The following FANCM variants were observed in gnomAD, a reference collection of about 807,000 sequenced individuals.
The protein encoded by FANCM is FA complementation group M.
A neutral mutation model predicts 199.5 loss-of-function variants in FANCM; 140 were observed. The ratio of observed to expected loss-of-function variants is 0.70; its 90% CI spans 0.61 to 0.81. The LOEUF (loss-of-function observed/expected upper bound fraction) is 0.81, where lower values mean the gene tolerates loss of function less well. FANCM is among the 30% of genes least tolerant of loss of function. The pLI is 0.00. For synonymous variants in FANCM, 840 were observed against 836.8 expected (o/e 1.00, Z -0.07); for missense variants, 2,410 against 2,421.4 (o/e 1.00, Z 0.10).
At position 45,154,709 on chromosome 14, in the gene FANCM, CAA is replaced by C; in HGVS notation, c.1201_1202del (p.Asn401Ter). On this transcript the variant is annotated frameshift_variant, in exon 7 of 23. Transcript: ENST00000267430. LOFTEE classifies it high-confidence loss of function. ...TTAATTTCTGAAGGGATGACACGGT[CAA>C]AAAATGAACTTGGCCGAAATGAAGA... 6.3e-7 allele frequency: 1 copy of C among 1,597,186 alleles called. No homozygotes were observed. Among genetic ancestry groups the C allele is most frequent in the Non-Finnish European group, 8.6e-7 (1 of 1,168,140 alleles).
chr14:45,171,715 GTGTGTGTGCA>G (rs961511966), intron 12 of FANCM, among the ~76,000 whole-genome samples: 30 of 151,776 alleles, frequency 2.0e-4, no homozygotes, highest in Non-Finnish European at 4.0e-4. Context: ...GTGTGTGTGT[GTGTGTGTGCA>G]TGTGTGTCAC....
Position 45,153,983 on chromosome 14 carries a change from G to T in FANCM, c.1114G>T (p.Glu372Ter). 1 of 1,596,328 alleles carries T rather than the reference G, an allele frequency of 6.3e-7. No individual in the cohort carries two copies. The highest frequency in any genetic ancestry group is 8.6e-7 in the Non-Finnish European group (1 of 1,163,930). The change falls in exon 6 of 23, where the codon GAA (glutamate) becomes TAA (stop). Residue 372 changes from glutamate (E) to a stop codon, truncating the protein, a stop_gained. Transcript: ENST00000267430. LOFTEE classifies it high-confidence loss of function. ...TTGTATTAGTTTATATCATGGTTAT[G>T]AATTATTGCAGCAAATGGGAATGAG... ...AICISLYHGY[E>*]LLQQMGMRSL... is the part of the protein sequence containing the mutation.
At chr14:45,192,178 C>T (rs1889805185) in intron 20 of FANCM, among the ~76,000 whole-genome samples, 1 of 152,136 alleles carries the variant, frequency 6.6e-6, no homozygotes, top group Non-Finnish European at 1.5e-5. Context: ...TTGCTCCCAT[C>T]CTTACTATAA....
chr14:45,156,916 CAAAAAAAAAA>C (rs535786477), intron 8 of FANCM, among the ~76,000 whole-genome samples: 3 of 47,812 alleles, frequency 6.3e-5, no homozygotes, highest in South Asian at 7.5e-4. Flanking sequence ...GACTCTGTCT[CAAAAAAAAAA>C]AAAAAAAAAA....
intron 8 of FANCM, among the ~76,000 whole-genome samples, chr14:45,156,426 G>A (rs1272094726): frequency 6.6e-6 from 1 of 152,126 alleles, no homozygotes; most frequent in Non-Finnish European, 1.5e-5. Context: ...GACATTTTAA[G>A]GATCACTCTG....
chr14:45,173,353 T>C, intron 13 of FANCM, 143 bp downstream of exon 13: 2 of 735,364 alleles, frequency 2.7e-6, no homozygotes, highest in South Asian at 3.2e-5. Context: ...ATGAGTTTTC[T>C]GCCTTAAGAG....
At position 45,176,207 on chromosome 14, in the gene FANCM, C is replaced by T. The variant is rs1888681689; in HGVS notation, c.3453C>T (p.Pro1151=). ...NTEFDDVSLS[P]LNSKSESLPV... is the part of the protein sequence containing the mutation. ...AGTTCGACGATGTGAGTCTTTCACC[C>T]TTGAACAGTAAAAGCGAATCTTTAC... Residue 1151 remains proline (P), a synonymous_variant, in exon 14 of 23, where the codon CCC becomes CCT. Coordinates refer to ENST00000267430, the MANE Select transcript of FANCM (RefSeq NM_020937.4). 6.2e-7 allele frequency: 1 copy of T among 1,613,922 alleles called. No homozygotes were observed. Among genetic ancestry groups the T allele is most frequent in the African/African-American group, 1.3e-5 (1 of 74,918 alleles).
At chr14:45,159,068 T>A in intron 8 of FANCM, 28 bp from the exon 9 acceptor site, 3 of 1,382,916 alleles carry the variant, frequency 2.2e-6, no homozygotes, top group Non-Finnish European at 3.0e-6. Flanking sequence ...TAAAAAGTTG[T>A]AATTAAAGTT....
intron 21 of FANCM, 57 bp from the exon 22 acceptor site, chr14:45,198,587 T>C (rs1594485715): frequency 8.5e-7 from 1 of 1,183,052 alleles, no homozygotes; most frequent in South Asian, 1.4e-5. Flanking sequence ...AGTATATTAA[T>C]AATTCTACTT....
chr14:45,183,579 A>G (rs1003882686), intron 16 of FANCM, among the ~76,000 whole-genome samples, 195 bp from the exon 17 acceptor site: 4 of 152,202 alleles, frequency 2.6e-5, no homozygotes, highest in African/African-American at 9.6e-5. Flanking sequence ...ATGAATACCT[A>G]TACTAGTATT....
intron 3 of FANCM, among the ~76,000 whole-genome samples, chr14:45,148,012 A>G (rs974051832): frequency 6.6e-6 from 1 of 151,934 alleles, no homozygotes; most frequent in Non-Finnish European, 1.5e-5. Context: ...CCTGGCCAAC[A>G]TGGTGAAACC....
rs138043605 is a variant in FANCM at position 45,164,595 on chromosome 14, CA to C, written c.1788+31del. The C allele has an allele frequency of 9.9e-3, 15,112 of 1,531,558 alleles. 1,201 individuals are homozygous for C. The African/African-American group carries it at 0.17, about 17-fold the overall frequency. The allele number at this position is 1,531,558 out of a possible 1,614,324, so 94.9% of individuals were successfully genotyped here. On this transcript the variant is annotated intron_variant, in intron 10 of 22. Transcript: ENST00000267430. ...GTAGAGCTGCAGAAACACAATTTGA[CA>C]CTTGAAATTTGAGAAATACAGCCCA...
chr14:45,167,712 C>T (rs1371664397), intron 11 of FANCM, among the ~76,000 whole-genome samples: 1 of 152,114 alleles, frequency 6.6e-6, no homozygotes, highest in East Asian at 1.9e-4. Flanking sequence ...GAGATATTTG[C>T]ACTATGAAAG....
chr14:45,158,026 G>A (rs907022819), intron 8 of FANCM, among the ~76,000 whole-genome samples: 5 of 151,894 alleles, frequency 3.3e-5, no homozygotes, highest in Admixed American at 6.6e-5. Flanking sequence ...GCAAAACCCC[G>A]TCTCTACAAA....
chr14:45,150,965 C>G (rs1455653013), intron 4 of FANCM, among the ~76,000 whole-genome samples: 1 of 152,076 alleles, frequency 6.6e-6, no homozygotes, highest in African/African-American at 2.4e-5. Context: ...TAAATATATT[C>G]AGGACATTTC....
chr14:45,154,528 A>G (rs1315082583), intron 6 of FANCM, among the ~76,000 whole-genome samples, 169 bp from the exon 7 acceptor site: 1 of 152,180 alleles, frequency 6.6e-6, no homozygotes, highest in Non-Finnish European at 1.5e-5. Flanking sequence ...AGAAAAGGAA[A>G]CCATTCATTA....
intron 11 of FANCM, among the ~76,000 whole-genome samples, chr14:45,168,345 C>G (rs1484425838): frequency 1.3e-5 from 2 of 152,010 alleles, no homozygotes; most frequent in Non-Finnish European, 2.9e-5. Flanking sequence ...CACAGCATGT[C>G]TTTTGAGTTT....
At chr14:45,167,391 A>G (rs1888061582) in intron 11 of FANCM, 3 of 508,990 alleles carry the variant, frequency 5.9e-6, no homozygotes, top group African/African-American at 3.8e-5. Context: ...AACATACCCT[A>G]CCAACCCAGA....
rs374315790 is a variant in FANCM, at chr14:45,136,046, A to G, written c.15A>G (p.Gln5=). 14 of 1,613,496 alleles carry G rather than the reference A, an allele frequency of 8.7e-6. No homozygotes were observed. In the East Asian group the frequency reaches 3.1e-4, roughly 36 times the overall value. MSGR[Q]RTLFQTWGSS... ...TTGTCGGCCTAATGAGCGGACGGCA[A>G]AGAACGCTTTTTCAGACGTGGGGCT... is the stretch of plus-strand genomic sequence containing the variant. Residue 5 remains glutamine (Q), a synonymous_variant, in exon 1 of 23, where the codon CAA becomes CAG. Coordinates refer to ENST00000267430, the MANE Select transcript of FANCM (RefSeq NM_020937.4).
Sources: gnomAD v4.1 joint callset for allele counts (sites outside exome capture counted in the v4.1 genomes callset) on GRCh38, gnomAD v4.1.1 for gene constraint, MANE v1.5 for transcripts, NCBI Gene and HGNC (gene_info 2026-07-23, HGNC 2026-07-21) for gene names.